Variants in ACOX3 observed in about 807,000 individuals in gnomAD.
ACOX3 encodes the protein peroxisomal acyl-coenzyme A oxidase 3.
In ACOX3, 73 loss-of-function variants were observed where a neutral mutation model predicts 81.5. The ratio of observed to expected loss-of-function variants is 0.90; its 90% CI spans 0.74 to 1.09. ACOX3 has a LOEUF of 1.09. Ranked by LOEUF, ACOX3 falls within the 50% of genes least tolerant of loss-of-function variation. The probability of loss-of-function intolerance (pLI) is 0.00; values close to 1 mark genes in which losing one functional copy is unlikely to be tolerated. For missense variants in ACOX3, 947 were observed against 928.0 expected, an observed-to-expected ratio of 1.02 and a Z score of -0.27; for synonymous variants, 387 against 375.1, an observed-to-expected ratio of 1.03 and a Z score of -0.37.
intron 17 of ACOX3, among the ~76,000 whole-genome samples, chr4:8,369,505 G>T (rs904112576): frequency 2.6e-5 from 4 of 152,180 alleles, no homozygotes; most frequent in Non-Finnish European, 4.4e-5. Context: ...GATGGTCAGT[G>T]GTCAGTCCCC....
chr4:8,364,931 C>T (rs1332763220), downstream of ACOX3, among the ~76,000 whole-genome samples: 1 of 152,196 alleles, frequency 6.6e-6, no homozygotes, highest in African/African-American at 2.4e-5. This position sits in a 1 kb window ranked among gnomAD's most constrained non-coding sequence, Gnocchi z 5.0. Flanking sequence ...GTGACTCTAA[C>T]TCAGGCTGGC....
rs1013003574 is a variant in ACOX3, at chr4:8,431,407, C to T, written c.-15+9241G>A. ...GCTGTAGCACTCTCCATCCACCGTG[C>T]TCCCCTCCTGGGCCTGAGGACACTG... On this transcript the variant is annotated intron_variant, in intron 1 of 17. Transcript: ENST00000356406. This position sits in a 1 kb window ranked among gnomAD's most constrained non-coding sequence, Gnocchi z 5.3. Among the ~76,000 whole-genome samples the T allele has an allele frequency of 6.6e-6, 1 of 152,190 alleles. No homozygotes were observed. The highest frequency in any genetic ancestry group is 2.4e-5 in the African/African-American group (1 of 41,446).
rs1047898228 is a variant in ACOX3, at chr4:8,415,756, G to A, written c.378+10C>T. On this transcript the variant is annotated intron_variant, in intron 3 of 17. Transcript: ENST00000356406. ...AAGCCGTTTCCCTCTCCCCTAGGCC[G>A]CATGCTCACCAAGCTATGGAGGAGG... The A allele has an allele frequency of 8.1e-6, 13 of 1,611,500 alleles. No individual in the cohort carries two copies. The highest frequency in any genetic ancestry group is 1.7e-4 in the Middle Eastern group (1 of 5,784).
intron 8 of ACOX3, among the ~76,000 whole-genome samples, chr4:8,398,887 A>G (rs1387389232): frequency 6.6e-6 from 1 of 152,164 alleles, no homozygotes; most frequent in African/African-American, 2.4e-5. Flanking sequence ...CCAATCATTT[A>G]TTTTTAATTG....
chr4:8,400,559 A>G lies in ACOX3; in HGVS notation c.777-907T>C, dbSNP rs1051348960. 5.9e-5 allele frequency among the ~76,000 whole-genome samples: 9 copies of G among 152,334 alleles called. No individual in the cohort carries two copies. The highest frequency in any genetic ancestry group is 3.4e-3 in the Middle Eastern group (1 of 294). On this transcript the variant is annotated intron_variant, in intron 7 of 17. Transcript: ENST00000356406. This position sits in a 1 kb window ranked among gnomAD's most constrained non-coding sequence, Gnocchi z 4.4. ...GATTACACACACATTGTTATGGATC[A>G]TGATGTATTAATAACCAAAGATACC...
chr4:8,365,783 T>C (rs1032104617), downstream of ACOX3, among the ~76,000 whole-genome samples: 1 of 152,056 alleles, frequency 6.6e-6, no homozygotes, highest in African/African-American at 2.4e-5. Flanking sequence ...TTTTCTAACA[T>C]GAAAATGGCT....
intron 1 of ACOX3, among the ~76,000 whole-genome samples, chr4:8,417,236 T>A (rs988436707): frequency 1.3e-5 from 2 of 152,260 alleles, no homozygotes; most frequent in African/African-American, 4.8e-5. Flanking sequence ...CCCAAGTCTG[T>A]CTGAGTCCTG....
chr4:8,394,484 G>T lies in ACOX3; in HGVS notation c.1179+136C>A. The T allele has an allele frequency of 7.3e-7, 1 of 1,362,166 alleles. No individual in the cohort carries two copies. The highest frequency in any genetic ancestry group is 9.8e-7 in the Non-Finnish European group (1 of 1,022,340). 84.4% of individuals were successfully genotyped at this position (1,362,166 alleles called of 1,614,324 possible). A position where few individuals can be genotyped will look rare whatever the true frequency, so the allele number is the denominator to read the frequency against. ...CGGCAGAGGCCAAGAGCTCCGAGTG[G>T]GTGGGAACAACTGGAGGAATGCTCT... is the stretch of plus-strand genomic sequence containing the variant. On this transcript the variant is annotated intron_variant, in intron 10 of 17. Coordinates refer to ENST00000356406, the MANE Select transcript of ACOX3 (RefSeq NM_003501.3). This position sits in a 1 kb window ranked among gnomAD's most constrained non-coding sequence, Gnocchi z 5.9.
At chr4:8,371,832 G>A (rs1341060134) in intron 16 of ACOX3, among the ~76,000 whole-genome samples, 1 of 152,284 alleles carries the variant, frequency 6.6e-6, no homozygotes, top group African/African-American at 2.4e-5. Context: ...GTTCCGTAAG[G>A]GTCCAGGTGG....
rs576252474 is a variant in ACOX3 at position 8,385,505 on chromosome 4, T to C, written c.1537+3668A>G. 6.6e-6 allele frequency among the ~76,000 whole-genome samples: 1 copy of C among 152,282 alleles called. No homozygotes were observed. The highest frequency in any genetic ancestry group is 2.1e-4 in the South Asian group (1 of 4,828). ...ACTGCAACTGCTTACTATGAATGCA[T>C]ACGAGCCAGCTAAACAACAGGGCCC... On this transcript the variant is annotated intron_variant, in intron 13 of 17. Coordinates refer to ENST00000356406, the MANE Select transcript of ACOX3 (RefSeq NM_003501.3). The surrounding 1 kb of genome is among the most constrained non-coding windows in gnomAD (Gnocchi z 5.5).
At chr4:8,409,015 G>C (rs918869242) in intron 6 of ACOX3, among the ~76,000 whole-genome samples, 1 of 151,000 alleles carries the variant, frequency 6.6e-6, no homozygotes, top group East Asian at 1.9e-4. Flanking sequence ...TGCTGGTGGG[G>C]AGAAACCCAC....
chr4:8,439,338 A>C (rs1455630036), intron 1 of ACOX3: 1 of 152,214 alleles, frequency 6.6e-6, no homozygotes, highest in African/African-American at 2.4e-5. Context: ...CAGAAGTTAC[A>C]AGAGCCTCCT....
the ACOX3 span, chr4:8,356,843 A>T: frequency 6.6e-6 from 3 of 456,314 alleles, no homozygotes; most frequent in Non-Finnish European, 1.3e-5. Flanking sequence ...GAGAGGAAGA[A>T]AGTGTGCAGA....
At position 8,394,291 on chromosome 4, in the gene ACOX3, A is replaced by G. The variant is rs764245714; in HGVS notation, c.1179+329T>C. On this transcript the variant is annotated intron_variant, in intron 10 of 17. Transcript: ENST00000356406. The surrounding 1 kb of genome is among the most constrained non-coding windows in gnomAD (Gnocchi z 5.9). ...CAGACCTTTGTGCAGCTGTTTACAA[A>G]AGGCTCAGAACCATGAAATCCACTG... is the stretch of plus-strand genomic sequence containing the variant. 5.3e-5 allele frequency among the ~76,000 whole-genome samples: 8 copies of G among 152,218 alleles called. No homozygotes were observed. The highest frequency in any genetic ancestry group is 8.8e-5 in the Non-Finnish European group (6 of 68,042).
intron 13 of ACOX3, among the ~76,000 whole-genome samples, chr4:8,388,415 G>A (rs1718557639): frequency 6.6e-6 from 1 of 152,266 alleles, no homozygotes; most frequent in Admixed American, 6.5e-5. Context: ...AATTAACCCA[G>A]GAACGCGAGA....
In ACOX3 at chr4:8,389,627, C is replaced by T. The variant is rs767781429; in HGVS notation, c.1408G>A (p.Ala470Thr). 2.5e-6 allele frequency: 4 copies of T among 1,613,912 alleles called. No individual in the cohort carries two copies. The highest frequency in any genetic ancestry group is 3.4e-6 in the Non-Finnish European group (4 of 1,179,996). The change falls in exon 12 of 18, where the codon GCA (alanine) becomes ACA (threonine). Residue 470 changes from alanine to threonine, a missense_variant. Ala to Thr is a moderately conservative substitution (Grantham distance 58). Transcript: ENST00000356406. This position sits in a 1 kb window ranked among gnomAD's most constrained non-coding sequence, Gnocchi z 5.3. Reference protein sequence around the residue: ...QTSNYLLGLLAHQVHDGACFR... With the variant: ...QTSNYLLGLLTHQVHDGACFR... ...AGAGCCTCACCGTGGACCTGGTGTG[C>T]CAGGAGACCCAGCAAATAGTTGCTT...
chr4:8,423,227 G>A lies in ACOX3; in HGVS notation c.-14-6692C>T, dbSNP rs1723132419. Among the ~76,000 whole-genome samples the A allele has an allele frequency of 6.6e-6, 1 of 152,092 alleles. No individual in the cohort carries two copies. The highest frequency in any genetic ancestry group is 2.4e-5 in the African/African-American group (1 of 41,410). ...CTGGGGAACTTCATTCTTTTCACTT[G>A]CCTTTCTAATTATGCCTGAAACCCC... On this transcript the variant is annotated intron_variant, in intron 1 of 17. Coordinates refer to ENST00000356406, the MANE Select transcript of ACOX3 (RefSeq NM_003501.3). This position sits in a 1 kb window ranked among gnomAD's most constrained non-coding sequence, Gnocchi z 4.2.
At chr4:8,373,306 G>C (rs1432840468) in intron 16 of ACOX3, among the ~76,000 whole-genome samples, 2 of 152,118 alleles carry the variant, frequency 1.3e-5, no homozygotes, top group Non-Finnish European at 2.9e-5. Flanking sequence ...GAATGTTTGG[G>C]TTGCAAAGGC....
chr4:8,406,125 GGGT>G lies in ACOX3; in HGVS notation c.688-85_688-83del. 5 of 1,408,366 alleles carry G rather than the reference GGGT, an allele frequency of 3.6e-6. No homozygotes were observed. Among genetic ancestry groups the G allele is most frequent in the Non-Finnish European group, 5.0e-6 (5 of 997,752 alleles). 87.2% of individuals were successfully genotyped at this position (1,408,366 alleles called of 1,614,324 possible). On this transcript the variant is annotated intron_variant, in intron 6 of 17. Coordinates refer to ENST00000356406, the MANE Select transcript of ACOX3 (RefSeq NM_003501.3). The surrounding 1 kb of genome is among the most constrained non-coding windows in gnomAD (Gnocchi z 5.6). The stretch of plus-strand genomic sequence containing the variant: ...AAACAAATGTGTTCAGAAACCCACA[GGGT>G]GGGCCATGGGCTCAACGCTGGGCGG...
Sources: allele counts gnomAD v4.1 joint callset (sites outside exome capture counted in the v4.1 genomes callset), GRCh38; gene constraint gnomAD v4.1.1; non-coding constraint Gnocchi (gnomAD v3.1); transcripts MANE v1.5; gene names NCBI Gene and HGNC (gene_info 2026-07-23, HGNC 2026-07-21).